The following NLRC5 variants were observed in gnomAD, a reference collection of about 807,000 sequenced individuals.
The protein encoded by NLRC5 is protein NLRC5.
A neutral mutation model predicts 206.9 loss-of-function variants in NLRC5; 114 were observed. The observed-to-expected ratio is 0.55, with a 90% CI of 0.47 to 0.64. The LOEUF (loss-of-function observed/expected upper bound fraction) is 0.64. Ranked by LOEUF, NLRC5 falls within the 30% of genes least tolerant of loss-of-function variation. The probability of loss-of-function intolerance (pLI) is 0.00; values close to 1 mark genes in which losing one functional copy is unlikely to be tolerated. For synonymous variants in NLRC5, 952 were observed against 962.8 expected (o/e 0.99, Z 0.21); for missense variants, 2,008 against 2,305.5 (o/e 0.87, Z 2.64).
intron 24 of NLRC5, among the ~76,000 whole-genome samples, chr16:57,052,236 G>T (rs1427340214): frequency 2.0e-5 from 3 of 152,216 alleles, no homozygotes; most frequent in African/African-American, 4.8e-5. Flanking sequence ...ACTTTGGGAG[G>T]CCGAGGCGGG....
intron 18 of NLRC5, 116 bp from the exon 19 acceptor site, chr16:57,041,866 C>A: frequency 1.4e-6 from 1 of 718,298 alleles, no homozygotes; most frequent in Non-Finnish European, 2.3e-6. Context: ...TCTGGCCTGG[C>A]AGCCCAGGGC....
intron 5 of NLRC5, among the ~76,000 whole-genome samples, chr16:57,024,181 C>T (rs2061002041): frequency 6.6e-6 from 1 of 152,150 alleles, no homozygotes; most frequent in African/African-American, 2.4e-5. Flanking sequence ...TGAAGGAGAC[C>T]CAGGGAGGAG....
chr16:57,043,443 T>C, intron 19 of NLRC5, 72 bp from the exon 20 acceptor site: 1 of 918,444 alleles, frequency 1.1e-6, no homozygotes, highest in Non-Finnish European at 1.8e-6. Context: ...TCCCCCGCCC[T>C]GTGCCCTGAC....
In NLRC5 at chr16:57,036,097, C is replaced by T; in HGVS notation, c.2628-3C>T. The T allele has an allele frequency of 6.2e-7, 1 of 1,613,306 alleles. No individual in the cohort carries two copies. Among genetic ancestry groups the T allele is most frequent in the Non-Finnish European group, 8.5e-7 (1 of 1,179,886 alleles). ...ATACAGTGCATTGGGCCCCCCGTCT[C>T]AGCCTCTCAGGGAACCAGCTGGAAG... On this transcript the variant is annotated splice_polypyrimidine_tract_variant and splice_region_variant and intron_variant, in intron 13 of 48. Coordinates refer to ENST00000688547, the MANE Select transcript of NLRC5 (RefSeq NM_001384950.1).
chr16:57,031,274 T>C, intron 10 of NLRC5, 130 bp from the exon 11 acceptor site: 1 of 923,096 alleles, frequency 1.1e-6, no homozygotes, highest in East Asian at 2.4e-5. Flanking sequence ...TCCGTTATGT[T>C]TCCCTGTCAA....
intron 1 of NLRC5, among the ~76,000 whole-genome samples, chr16:57,010,293 A>G (rs751357320): frequency 9.2e-5 from 14 of 152,248 alleles, no homozygotes; most frequent in Admixed American, 2.0e-4. Context: ...TCCAGTAGAA[A>G]TGTAGTGTCC....
intron 29 of NLRC5, 163 bp downstream of exon 29, chr16:57,059,224 T>A: frequency 6.7e-7 from 1 of 1,499,220 alleles, no homozygotes; most frequent in Non-Finnish European, 8.9e-7. Flanking sequence ...GGGCATGGGA[T>A]CATAATTTCT....
At chr16:57,067,958 G>A in intron 36 of NLRC5, 130 bp downstream of exon 36, 1 of 707,630 alleles carries the variant, frequency 1.4e-6, no homozygotes, top group Non-Finnish European at 2.4e-6. Context: ...AACCACAGGT[G>A]GCCCTGGAGA....
intron 36 of NLRC5, among the ~76,000 whole-genome samples, chr16:57,068,680 T>C (rs148538765): frequency 6.4e-4 from 98 of 152,356 alleles, no homozygotes; most frequent in African/African-American, 2.2e-3. Flanking sequence ...GTGACATTGA[T>C]ACACTACTAT....
chr16:57,061,717 C>T lies in NLRC5; in HGVS notation c.4154+16C>T. The T allele has an allele frequency of 1.3e-6, 2 of 1,594,906 alleles. No homozygotes were observed. Among genetic ancestry groups the T allele is most frequent in the South Asian group, 2.2e-5 (2 of 89,570 alleles). ...TCAGCCTCAGGTACCTCCTCCCCCG[C>T]TGCCTCCGGGAGGGGCCATGGCATG... On this transcript the variant is annotated intron_variant, in intron 32 of 48. Coordinates refer to ENST00000688547, the MANE Select transcript of NLRC5 (RefSeq NM_001384950.1).
chr16:57,030,012 T>G lies in NLRC5; in HGVS notation c.2345T>G (p.Ile782Ser). Residue 782 changes from isoleucine (I) to serine (S), a missense_variant, in exon 10 of 49, where the codon ATC becomes AGC. Ile to Ser is a moderately radical substitution (Grantham distance 142). Transcript: ENST00000688547. ...TCTTGCAGCCTGAGCAGCAACAGCATCTGCGTGTCAACCCTACTCTGCTTG... is the reference window on the plus strand; with the variant it reads ...TCTTGCAGCCTGAGCAGCAACAGCAGCTGCGTGTCAACCCTACTCTGCTTG... ...LRKLDLSSNS[I>S]CVSTLLCLAR... 1 of 1,614,152 alleles carries G rather than the reference T, an allele frequency of 6.2e-7. No individual in the cohort carries two copies.
At chr16:57,049,581 C>T (rs1215177159) in intron 23 of NLRC5, among the ~76,000 whole-genome samples, 1 of 151,880 alleles carries the variant, frequency 6.6e-6, no homozygotes, top group Non-Finnish European at 1.5e-5. Flanking sequence ...ACTAAAAATA[C>T]AAAAATTAGC....
intron 22 of NLRC5, among the ~76,000 whole-genome samples, 200 bp from the exon 23 acceptor site, chr16:57,047,345 G>A (rs1343924274): frequency 1.3e-5 from 2 of 152,054 alleles, no homozygotes; most frequent in Non-Finnish European, 1.5e-5. Flanking sequence ...GGAACTCAGG[G>A]TCCTGCACTG....
intron 39 of NLRC5, 102 bp downstream of exon 39, chr16:57,074,785 CTTT>C: frequency 9.0e-7 from 1 of 1,106,508 alleles, no homozygotes; most frequent in Non-Finnish European, 1.4e-6. Flanking sequence ...CCAGGGGATC[CTTT>C]GCGGATCCCT....
chr16:57,033,180 C>T (rs930496519), intron 11 of NLRC5, among the ~76,000 whole-genome samples: 1 of 152,178 alleles, frequency 6.6e-6, no homozygotes, highest in South Asian at 2.1e-4. Context: ...GACAGCACAT[C>T]CACAAATGGA....
rs1232631001 is a variant in NLRC5, at chr16:57,043,402, G to C, written c.3114-113G>C. On this transcript the variant is annotated intron_variant, in intron 19 of 48. Transcript: ENST00000688547. ...GTGCTCTCTGACCATCTTGGGTTCA[G>C]TGGGTTCCGTCATCTGGAACCAGGG... 9.5e-6 allele frequency: 8 copies of C among 840,006 alleles called. No homozygotes were observed. In the African/African-American group the frequency reaches 1.3e-4, roughly 14 times the overall value. 52.0% of individuals were successfully genotyped at this position (840,006 alleles called of 1,614,324 possible).
chr16:57,070,717 T>C, intron 38 of NLRC5, 99 bp downstream of exon 38: 1 of 960,108 alleles, frequency 1.0e-6, no homozygotes, highest in Non-Finnish European at 1.6e-6. Flanking sequence ...ATGGTGGAAG[T>C]GGGTGAGTGG....
chr16:57,036,069 A>C, intron 13 of NLRC5, 31 bp from the exon 14 acceptor site: 1 of 1,585,148 alleles, frequency 6.3e-7, no homozygotes, highest in Non-Finnish European at 8.6e-7. Flanking sequence ...CTCCAGCCCC[A>C]CAATACAGTG....
intron 43 of NLRC5, among the ~76,000 whole-genome samples, chr16:57,078,463 C>G (rs2068689711): frequency 8.1e-6 from 1 of 123,870 alleles, no homozygotes; most frequent in African/African-American, 3.6e-5. Context: ...GTGCTGGGAC[C>G]TTGTTTTTTT....
Sources: gnomAD v4.1 joint callset for allele counts (sites outside exome capture counted in the v4.1 genomes callset) on GRCh38, gnomAD v4.1.1 for gene constraint, MANE v1.5 for transcripts, NCBI Gene and HGNC (gene_info 2026-07-23, HGNC 2026-07-21) for gene names.